ESCO2: variants seen among roughly 807,000 people sequenced by gnomAD.
ESCO2 encodes establishment of sister chromatid cohesion N-acetyltransferase 2, also known as N-acetyltransferase ESCO2.
In ESCO2, 51 loss-of-function variants were observed where a neutral mutation model predicts 61.7. The observed-to-expected ratio is 0.83, with a 90% CI of 0.66 to 1.04. The LOEUF (loss-of-function observed/expected upper bound fraction) is 1.04. ESCO2 is among the 50% of genes least tolerant of loss of function. The pLI is 0.00. For synonymous variants in ESCO2, 230 were observed against 238.2 expected, an observed-to-expected ratio of 0.97 and a Z score of 0.32; for missense variants, 692 against 686.2, an observed-to-expected ratio of 1.01 and a Z score of -0.09.
At chr8:27,774,275 T>G (rs897161871), upstream of ESCO2, 18 of 151,672 alleles carry the variant, frequency 1.2e-4, no homozygotes, top group African/African-American at 4.4e-4. Context: ...AGAATGTATC[T>G]CAACTTCAAC....
intron 3 of ESCO2, 80 bp from the exon 4 acceptor site, chr8:27,780,094 A>G: frequency 1.2e-6 from 1 of 816,076 alleles, no homozygotes; most frequent in Non-Finnish European, 2.1e-6. Context: ...TTGTTTTAGA[A>G]ATAGATCTGC....
At chr8:27,784,625 T>C (rs1022142460) in intron 5 of ESCO2, among the ~76,000 whole-genome samples, 7 of 152,130 alleles carry the variant, frequency 4.6e-5, no homozygotes, top group African/African-American at 1.7e-4. Context: ...TTGCAGCAGC[T>C]TAATGTTATC....
chr8:27,816,355 A>ATATATATATATATATATATATT (rs1024094999), downstream of ESCO2, among the ~76,000 whole-genome samples: 1 of 140,944 alleles, frequency 7.1e-6, no homozygotes, highest in African/African-American at 2.7e-5. Flanking sequence ...ATATATATAT[A>ATATATATATATATATATATATT]TATTTATTTA....
chr8:27,772,634 C>T (rs1345778680), upstream of ESCO2: 8 of 1,303,242 alleles, frequency 6.1e-6, no homozygotes, highest in African/African-American at 1.5e-5. Flanking sequence ...GCCTGGCCCC[C>T]GGAACTCCTC....
chr8:27,814,386 C>G (rs2128961692), downstream of ESCO2, among the ~76,000 whole-genome samples: 1 of 152,202 alleles, frequency 6.6e-6, no homozygotes, highest in Admixed American at 6.5e-5. Context: ...ACCCTTTTCT[C>G]ATTCCTGTTG....
At chr8:27,813,573 CAT>C (rs1447053443), downstream of ESCO2, among the ~76,000 whole-genome samples, 1 of 151,054 alleles carries the variant, frequency 6.6e-6, no homozygotes, top group Non-Finnish European at 1.5e-5. Context: ...ACACTGACCT[CAT>C]AGCCACAGTC....
rs1009857126 is a variant in ESCO2 at position 27,784,150 on chromosome 8, G to A, written c.1013+93G>A. 6 of 1,217,144 alleles carry A rather than the reference G, an allele frequency of 4.9e-6. No homozygotes were observed. The Admixed American group carries it at 5.7e-5, about 12-fold the overall frequency. 75.4% of individuals were successfully genotyped at this position (1,217,144 alleles called of 1,614,324 possible). On this transcript the variant is annotated intron_variant, in intron 5 of 10. Transcript: ENST00000305188. ...AGTCTCATGCTACTTAATTTGGGGA[G>A]TTTTTTTTTCTTCCTCACTAAGGGG...
At position 27,776,712 on chromosome 8, in the gene ESCO2, A is replaced by G; in HGVS notation, c.404A>G (p.Lys135Arg). 6.2e-7 allele frequency: 1 copy of G among 1,613,936 alleles called. No individual in the cohort carries two copies. The highest frequency in any genetic ancestry group is 8.5e-7 in the Non-Finnish European group (1 of 1,180,030). ...CAAGGAAAACCAGTCTGCTCCAAGA[A>G]GAACAACAAAAAACCACAGAAGAGT... ...KMQGKPVCSK[K>R]NNKKPQKSLT... The change falls in exon 3 of 11, where the codon AAG (lysine) becomes AGG (arginine). Residue 135 changes from lysine to arginine, a missense_variant. Physicochemically the swap from Lys to Arg is conservative, Grantham distance 26. Coordinates refer to ENST00000305188, the MANE Select transcript of ESCO2 (RefSeq NM_001017420.3).
chr8:27,794,090 A>G (rs1291393814), intron 9 of ESCO2, among the ~76,000 whole-genome samples: 2 of 152,220 alleles, frequency 1.3e-5, no homozygotes, highest in Non-Finnish European at 2.9e-5. Flanking sequence ...TAAAGGCTGA[A>G]TAGTATTCCA....
Position 27,805,244 on chromosome 8 carries a change from G to GCAGTCCGC in ESCO2, c.*1807_*1814dup, listed in dbSNP as rs1175474335. The GCAGTCCGC allele has an allele frequency of 3.3e-4, 29 of 86,968 alleles. 1 individual carries two copies. Among genetic ancestry groups the GCAGTCCGC allele is most frequent in the Non-Finnish European group, 5.9e-5 (3 of 50,732 alleles). The allele number at this position is 86,968 out of a possible 1,614,324, so 5.4% of individuals were successfully genotyped here. On this transcript the variant is annotated 3_prime_UTR_variant, in exon 11 of 11. Transcript: ENST00000305188. ...TGCAGTGAGCCGAGATTGCGCCACT[G>GCAGTCCGC]CAGTCCGCAGTCCGGCCTGGGCGAC...
chr8:27,792,110 T>G (rs1187978697), intron 8 of ESCO2, 58 bp downstream of exon 8: 2 of 1,543,828 alleles, frequency 1.3e-6, no homozygotes, highest in Non-Finnish European at 1.8e-6. Context: ...AATCAACCTA[T>G]GTTGAAGTGC....
chr8:27,793,479 G>GTTTTTTTTTTT (rs67670087), intron 9 of ESCO2, among the ~76,000 whole-genome samples: 7 of 125,506 alleles, frequency 5.6e-5, no homozygotes, highest in Non-Finnish European at 6.7e-5. Context: ...CTTTTTCTTT[G>GTTTTTTTTTTT]TTTTTTTTTT....
intron 3 of ESCO2, chr8:27,778,648 T>A (rs1163605288): frequency 6.6e-6 from 1 of 152,160 alleles, no homozygotes; most frequent in African/African-American, 2.4e-5. Context: ...TCTTATCTGT[T>A]TGGTACAGCC....
At chr8:27,805,485 T>C (rs925058899), downstream of ESCO2, among the ~76,000 whole-genome samples, 2 of 152,156 alleles carry the variant, frequency 1.3e-5, no homozygotes, top group Non-Finnish European at 2.9e-5. Context: ...CTATTGATAC[T>C]GTTGTCTTGG....
rs1805417762 is a variant in ESCO2 at position 27,801,263 on chromosome 8, T to A, written c.1673+1547T>A. ...AGTTTCACAACACTTGCTCTCTCAA[T>A]TTCTACACATATTTCATCGTGTAGA... On this transcript the variant is annotated intron_variant, in intron 10 of 10. Transcript: ENST00000305188. Among the ~76,000 whole-genome samples, 4 of 152,176 alleles carry A rather than the reference T, an allele frequency of 2.6e-5. No individual in the cohort carries two copies. In the South Asian group the frequency reaches 8.3e-4, roughly 31 times the overall value.
chr8:27,812,043 G>A (rs1434416399), downstream of ESCO2: 1 of 152,018 alleles, frequency 6.6e-6, no homozygotes, highest in Non-Finnish European at 1.5e-5. Context: ...GGACAGTTTC[G>A]TCTCCTTTCC....
chr8:27,777,842 A>T (rs1804833049), intron 3 of ESCO2: 1 of 152,216 alleles, frequency 6.6e-6, no homozygotes, highest in African/African-American at 2.4e-5. Context: ...AGCTGGAGAA[A>T]TGATAGGCTT....
chr8:27,796,948 C>G (rs1416769226), intron 9 of ESCO2, among the ~76,000 whole-genome samples: 7 of 151,916 alleles, frequency 4.6e-5, no homozygotes, highest in Non-Finnish European at 7.4e-5. Flanking sequence ...TAGTGAGACC[C>G]TGTCTTTACA....
Position 27,780,458 on chromosome 8 carries a change from A to G in ESCO2, c.955+191A>G, listed in dbSNP as rs111416798. 1.0e-2 allele frequency among the ~76,000 whole-genome samples: 1,519 copies of G among 152,332 alleles called. 21 individuals carry two copies. The highest frequency in any genetic ancestry group is 0.034 in the African/African-American group (1,410 of 41,560). ...CATTGCGTTTTGAAAAACAAGAAAC[A>G]AGGAGATCCTAGGTTAAAATTTTAG... On this transcript the variant is annotated intron_variant, in intron 4 of 10. Coordinates refer to ENST00000305188, the MANE Select transcript of ESCO2 (RefSeq NM_001017420.3).
Sources: gnomAD v4.1 joint callset for allele counts (sites outside exome capture counted in the v4.1 genomes callset) on GRCh38, gnomAD v4.1.1 for gene constraint, MANE v1.5 for transcripts, NCBI Gene and HGNC (gene_info 2026-07-23, HGNC 2026-07-21) for gene names.